The following PCDH15 variants were observed in gnomAD, a reference collection of about 807,000 sequenced individuals.
PCDH15 encodes protocadherin-15.
A neutral mutation model predicts 178.5 loss-of-function variants in PCDH15; 129 were observed. That is an observed-to-expected ratio of 0.72 (90% CI 0.63 to 0.84). The LOEUF (loss-of-function observed/expected upper bound fraction) is 0.84, where lower values mean the gene tolerates loss of function less well. Among genes scored for constraint, PCDH15 ranks in the 40% least tolerant of loss-of-function variants. PCDH15 has a pLI of 0.00. For missense variants in PCDH15, 2,230 were observed against 2,099.9 expected, an observed-to-expected ratio of 1.06 and a Z score of -1.21; for synonymous variants, 800 against 732.0, an observed-to-expected ratio of 1.09 and a Z score of -1.50.
intron 3 of PCDH15, among the ~76,000 whole-genome samples, chr10:54,441,030 GT>G (rs1243722568): frequency 2.0e-5 from 3 of 151,886 alleles, no homozygotes; most frequent in Non-Finnish European, 4.4e-5. Flanking sequence ...CACAAAAAGT[GT>G]TTGAGTCTTC....
chr10:54,307,803 C>T (rs116206896), intron 8 of PCDH15, among the ~76,000 whole-genome samples: 1,909 of 152,090 alleles, frequency 0.013, 37 homozygotes, highest in African/African-American at 0.041. Context: ...TATCTACATA[C>T]AACTCAGTTT....
chr10:53,987,739 T>C (rs1020583308), intron 21 of PCDH15, among the ~76,000 whole-genome samples: 2 of 152,160 alleles, frequency 1.3e-5, no homozygotes, highest in Non-Finnish European at 1.5e-5. Context: ...AACAGAACTA[T>C]GGTCCTTCAT....
intron 2 of PCDH15, among the ~76,000 whole-genome samples, chr10:54,579,476 C>T (rs2090831922): frequency 6.6e-6 from 1 of 152,074 alleles, no homozygotes; most frequent in South Asian, 2.1e-4. Context: ...TATTGGAGCA[C>T]CCAATTCATA....
chr10:54,048,790 G>A (rs919979336), intron 18 of PCDH15, among the ~76,000 whole-genome samples: 2 of 152,028 alleles, frequency 1.3e-5, no homozygotes, highest in African/African-American at 4.8e-5. Flanking sequence ...GTTTGAAGTA[G>A]GATAATGTGA....
intron 32 of PCDH15, chr10:53,821,157 TAAAG>T (rs2076249011): frequency 1.0e-5 from 10 of 974,192 alleles, no homozygotes; most frequent in Non-Finnish European, 1.2e-5. Flanking sequence ...CAATGAGAAA[TAAAG>T]AGAATAAGAC....
intron 2 of PCDH15, among the ~76,000 whole-genome samples, chr10:54,987,135 G>A (rs144516544): frequency 0.037 from 5,675 of 152,124 alleles, 378 homozygotes; most frequent in African/African-American, 0.13. Context: ...CTGTCCCTGT[G>A]TTAGTTTGCT....
intron 1 of PCDH15, among the ~76,000 whole-genome samples, chr10:54,702,717 C>T (rs560040108): frequency 2.0e-4 from 30 of 151,810 alleles, no homozygotes; most frequent in Non-Finnish European, 3.4e-4. Flanking sequence ...AGTAATACAA[C>T]GCCTACCAAC....
chr10:54,486,488 A>T (rs11004336), intron 3 of PCDH15, among the ~76,000 whole-genome samples: 9,123 of 152,084 alleles, frequency 0.06, 647 homozygotes, highest in African/African-American at 0.17. Flanking sequence ...ATACAGTTAT[A>T]TTAAACTTAG....
intron 2 of PCDH15, among the ~76,000 whole-genome samples, chr10:55,413,634 A>G (rs1442504385): frequency 2.6e-5 from 4 of 151,684 alleles, no homozygotes; most frequent in Non-Finnish European, 5.9e-5. Flanking sequence ...ATTTTACAGT[A>G]TTTCCTTTTG....
chr10:54,512,807 A>G (rs1223708398), intron 3 of PCDH15, among the ~76,000 whole-genome samples: 1 of 152,134 alleles, frequency 6.6e-6, no homozygotes, highest in Non-Finnish European at 1.5e-5. Context: ...CTGTCTAATT[A>G]TACTCTTTAA....
At chr10:55,035,000 C>A (rs1840699406) in intron 2 of PCDH15, among the ~76,000 whole-genome samples, 2 of 152,106 alleles carry the variant, frequency 1.3e-5, no homozygotes, top group African/African-American at 4.8e-5. Flanking sequence ...TGGGAGGATA[C>A]AGCTGCTTTC....
intron 2 of PCDH15, among the ~76,000 whole-genome samples, chr10:55,075,152 T>C (rs1286977390): frequency 2.0e-5 from 3 of 152,082 alleles, no homozygotes; most frequent in Admixed American, 6.6e-5. Context: ...TTTCAGGTTT[T>C]CTATTTTTTC....
intron 2 of PCDH15, among the ~76,000 whole-genome samples, chr10:54,924,596 T>A (rs911179801): frequency 6.6e-6 from 1 of 151,112 alleles, no homozygotes; most frequent in African/African-American, 2.5e-5. Flanking sequence ...CACAACCTCA[T>A]TAGCATCTGT....
At chr10:53,825,119 TGA>T in intron 32 of PCDH15, 1 of 1,537,202 alleles carries the variant, frequency 6.5e-7, no homozygotes, top group Non-Finnish European at 8.8e-7. Context: ...TCTATTAGAG[TGA>T]TATTATTTAC....
intron 2 of PCDH15, among the ~76,000 whole-genome samples, chr10:55,562,844 A>C (rs1188256391): frequency 1.3e-5 from 2 of 152,052 alleles, no homozygotes; most frequent in Non-Finnish European, 2.9e-5. Flanking sequence ...AAGATGATGG[A>C]AAAGCAAGCA....
chr10:55,263,584 G>A (rs1407655278), intron 1 of PCDH15, among the ~76,000 whole-genome samples: 2 of 151,984 alleles, frequency 1.3e-5, no homozygotes, highest in Admixed American at 6.6e-5. Context: ...GCCAATAGAC[G>A]GGCTCTTCTC....
intron 3 of PCDH15, among the ~76,000 whole-genome samples, chr10:54,851,414 A>C (rs1953619318): frequency 6.6e-6 from 1 of 152,182 alleles, no homozygotes; most frequent in Non-Finnish European, 1.5e-5. Context: ...ATGGTGTTTG[A>C]GATATTGACA....
chr10:53,924,509 C>G (rs1247588630), intron 25 of PCDH15, among the ~76,000 whole-genome samples: 6 of 127,360 alleles, frequency 4.7e-5, no homozygotes, highest in African/African-American at 1.7e-4. Context: ...ACGAGCACCA[C>G]CCCCTGCTCT....
At chr10:54,795,148 C>T (rs1365687103) in intron 1 of PCDH15, among the ~76,000 whole-genome samples, 1 of 151,688 alleles carries the variant, frequency 6.6e-6, no homozygotes, top group Non-Finnish European at 1.5e-5. Context: ...TAAAATTCTC[C>T]ACACTTCTTA....
Sources: gnomAD v4.1 joint callset for allele counts (sites outside exome capture counted in the v4.1 genomes callset) on GRCh38, gnomAD v4.1.1 for gene constraint, MANE v1.5 for transcripts, NCBI Gene and HGNC (gene_info 2026-07-23, HGNC 2026-07-21) for gene names.